The following TMEM117 variants were observed in gnomAD, a reference collection of about 807,000 sequenced individuals.
TMEM117 encodes transmembrane protein 117.
Under a neutral mutation model 52.4 loss-of-function variants are expected in TMEM117, and 27 were observed. The ratio of observed to expected loss-of-function variants is 0.51; its 90% CI spans 0.38 to 0.71. The LOEUF is 0.71. TMEM117 is among the 30% of genes least tolerant of loss of function. The pLI, the probability that TMEM117 is intolerant of heterozygous loss-of-function variation, is 0.00. For synonymous variants in TMEM117, 215 were observed against 206.3 expected (o/e 1.04, Z -0.36); for missense variants, 556 against 630.5 (o/e 0.88, Z 1.26).
downstream of TMEM117, among the ~76,000 whole-genome samples, chr12:44,391,542 G>T (rs1387495458): frequency 6.6e-6 from 1 of 152,132 alleles, no homozygotes; most frequent in Non-Finnish European, 1.5e-5. Context: ...ACAGTGGAAA[G>T]AAGTCCAACA....
At chr12:44,080,266 C>T (rs756718467) in intron 3 of TMEM117, among the ~76,000 whole-genome samples, 1 of 152,148 alleles carries the variant, frequency 6.6e-6, no homozygotes, top group Non-Finnish European at 1.5e-5. Context: ...AGGAAACTTA[C>T]AATCATGGTG....
Position 44,388,172 on chromosome 12 carries a change from T to A in TMEM117, c.1045T>A (p.Leu349Ile), listed in dbSNP as rs752284681. 6 of 1,613,280 alleles carry A rather than the reference T, an allele frequency of 3.7e-6. No individual in the cohort carries two copies. Among genetic ancestry groups the A allele is most frequent in the Admixed American group, 1.7e-5 (1 of 59,872 alleles). The change falls in exon 8 of 8, where the codon TTA (leucine) becomes ATA (isoleucine). Residue 349 changes from leucine (L) to isoleucine (I), a missense_variant. Physicochemically the swap from Leu to Ile is conservative, Grantham distance 5 (BLOSUM62 2). Coordinates refer to ENST00000266534, the MANE Select transcript of TMEM117 (RefSeq NM_032256.3). ...KIYTVKDSES[L>I]KDLNRTKLSW... Reference sequence around the variant, plus strand: ...ATATACAGTGAAAGACTCAGAAAGTTTAAAAGATTTGAACAGAACCAAGCT... The same window carrying A: ...ATATACAGTGAAAGACTCAGAAAGTATAAAAGATTTGAACAGAACCAAGCT...
chr12:44,344,862 C>T (rs778863482), intron 6 of TMEM117, among the ~76,000 whole-genome samples: 2 of 152,006 alleles, frequency 1.3e-5, no homozygotes, highest in Non-Finnish European at 2.9e-5. Context: ...GGTCAAGGTT[C>T]TGCCCAGTGA....
At chr12:43,865,023 C>A (rs1292962562) in intron 2 of TMEM117, among the ~76,000 whole-genome samples, 1 of 152,028 alleles carries the variant, frequency 6.6e-6, no homozygotes, top group Admixed American at 6.5e-5. Context: ...CAGCTTCACT[C>A]CTGAGGCAGC....
In TMEM117 at chr12:43,928,107, A is replaced by G. The variant is rs570155501; in HGVS notation, c.278-16103A>G. 3.2e-3 allele frequency among the ~76,000 whole-genome samples: 481 copies of G among 151,930 alleles called. 7 individuals are homozygous for G. The highest frequency in any genetic ancestry group is 1.1e-3 in the Non-Finnish European group (76 of 67,942). On this transcript the variant is annotated intron_variant, in intron 2 of 7. Transcript: ENST00000266534. The stretch of plus-strand genomic sequence containing the variant: ...TTTTAGTGGCTACCCTTGATACTTT[A>G]CTATGTATATTTAAAAAGCTAGCTA...
At chr12:44,027,132 A>ATATTTTATTTTATTTTATTTTATTT (rs781312092) in intron 3 of TMEM117, among the ~76,000 whole-genome samples, 4 of 104,098 alleles carry the variant, frequency 3.8e-5, no homozygotes, top group South Asian at 3.3e-4. Flanking sequence ...ATTTTATTTT[A>ATATTTTATTTTATTTTATTTTATTT]TATTTTATTT....
chr12:44,372,368 C>T (rs1226237289), intron 6 of TMEM117, among the ~76,000 whole-genome samples: 2 of 152,124 alleles, frequency 1.3e-5, no homozygotes, highest in Non-Finnish European at 2.9e-5. Context: ...CCATGACTCT[C>T]ATAACACTTC....
chr12:43,798,522 T>C, the TMEM117 span: 3 of 1,484,708 alleles, frequency 2.0e-6, no homozygotes, highest in East Asian at 2.5e-5. Context: ...GCATAAATGA[T>C]ATTGGTTAAT....
chr12:43,969,675 TCA>T (rs1229707815), intron 3 of TMEM117, among the ~76,000 whole-genome samples: 1 of 152,234 alleles, frequency 6.6e-6, no homozygotes, highest in Non-Finnish European at 1.5e-5. Flanking sequence ...TGTGCCTGTC[TCA>T]CAGTCTTGGT....
At chr12:43,835,904 T>G (rs1326004309), upstream of TMEM117, 2 of 151,808 alleles carry the variant, frequency 1.3e-5, no homozygotes, top group South Asian at 2.1e-4. Flanking sequence ...ACAGCTGGCA[T>G]GATCGCGGTC....
At chr12:44,334,883 T>C (rs1330983216) in intron 6 of TMEM117, among the ~76,000 whole-genome samples, 1 of 151,990 alleles carries the variant, frequency 6.6e-6, no homozygotes, top group Non-Finnish European at 1.5e-5. Context: ...TGAAAAAGTA[T>C]ATAGAATGGC....
At chr12:43,948,358 T>C (rs1426369089) in intron 3 of TMEM117, among the ~76,000 whole-genome samples, 1 of 151,830 alleles carries the variant, frequency 6.6e-6, no homozygotes, top group African/African-American at 2.4e-5. Flanking sequence ...CAGGCTGGAG[T>C]GCAGTGGCAT....
intron 2 of TMEM117, among the ~76,000 whole-genome samples, chr12:43,917,108 T>C (rs1383951384): frequency 6.6e-6 from 1 of 151,014 alleles, no homozygotes; most frequent in East Asian, 2.0e-4. Flanking sequence ...ATAATAGTAC[T>C]ATGGCTGGGC....
chr12:44,048,820 CT>C (rs1243787865), intron 3 of TMEM117, among the ~76,000 whole-genome samples: 2 of 152,146 alleles, frequency 1.3e-5, no homozygotes, highest in African/African-American at 4.8e-5. Context: ...CAAACACGTA[CT>C]GGACAGAGTA....
intron 3 of TMEM117, among the ~76,000 whole-genome samples, chr12:44,121,929 C>T (rs1460099301): frequency 6.6e-6 from 1 of 152,152 alleles, no homozygotes; most frequent in African/African-American, 2.4e-5. Context: ...ATTTAGCTCC[C>T]ACTTGTAAGT....
intron 1 of TMEM117, among the ~76,000 whole-genome samples, chr12:43,836,812 TGAGA>T (rs370818795): frequency 6.0e-5 from 9 of 151,028 alleles, no homozygotes; most frequent in Admixed American, 2.6e-4. Flanking sequence ...TGTGCGTGTG[TGAGA>T]GAGAGAGAGA....
At chr12:43,865,458 A>C (rs1943575142) in intron 2 of TMEM117, among the ~76,000 whole-genome samples, 1 of 152,180 alleles carries the variant, frequency 6.6e-6, no homozygotes, top group Non-Finnish European at 1.5e-5. Flanking sequence ...GCACTTTGGG[A>C]GGCCAAGGTG....
At chr12:44,258,382 T>C (rs1372398638) in intron 5 of TMEM117, among the ~76,000 whole-genome samples, 4 of 152,136 alleles carry the variant, frequency 2.6e-5, no homozygotes, top group Non-Finnish European at 4.4e-5. Flanking sequence ...TTTAAAAGAC[T>C]TGTAGCTCAT....
intron 4 of TMEM117, among the ~76,000 whole-genome samples, chr12:44,179,580 C>T (rs1949162583): frequency 6.6e-6 from 1 of 152,236 alleles, no homozygotes; most frequent in South Asian, 2.1e-4. Context: ...CTCCCTTCTT[C>T]TACCTGCTTT....
Sources: gnomAD v4.1 joint callset for allele counts (sites outside exome capture counted in the v4.1 genomes callset) on GRCh38, gnomAD v4.1.1 for gene constraint, MANE v1.5 for transcripts, NCBI Gene and HGNC (gene_info 2026-07-23, HGNC 2026-07-21) for gene names.